Variants in TMC1 observed in about 807,000 individuals in gnomAD.
TMC1 encodes the protein transmembrane channel like 1, also known as transmembrane channel-like protein 1.
A neutral mutation model predicts 105.8 loss-of-function variants in TMC1; 84 were observed. That is an observed-to-expected ratio of 0.79 (90% CI 0.67 to 0.95). The LOEUF (loss-of-function observed/expected upper bound fraction) is 0.95. TMC1 is among the 40% of genes least tolerant of loss of function. The probability of loss-of-function intolerance (pLI) is 0.00; values close to 1 mark genes in which losing one functional copy is unlikely to be tolerated. For missense variants in TMC1, 817 were observed against 914.1 expected (o/e 0.89, Z 1.37); for synonymous variants, 315 against 311.5 (o/e 1.01, Z -0.12).
At chr9:72,579,762 T>C (rs963645094) in intron 2 of TMC1, among the ~76,000 whole-genome samples, 1 of 152,108 alleles carries the variant, frequency 6.6e-6, no homozygotes, top group African/African-American at 2.4e-5. Context: ...TGGCTTATGT[T>C]TGTAATCCCA....
chr9:72,591,737 T>TTTGG (rs1824642161), intron 2 of TMC1, among the ~76,000 whole-genome samples: 1 of 150,190 alleles, frequency 6.7e-6, no homozygotes, highest in African/African-American at 2.5e-5. Flanking sequence ...TGGCTATTTG[T>TTTGG]TTGTTTGTTT....
intron 19 of TMC1, among the ~76,000 whole-genome samples, chr9:72,818,508 T>C (rs1481724241): frequency 6.6e-6 from 1 of 152,216 alleles, no homozygotes; most frequent in Non-Finnish European, 1.5e-5. Context: ...AAATGAGTTT[T>C]GGACATTGCT....
chr9:72,625,404 G>T (rs1189417284), intron 3 of TMC1, among the ~76,000 whole-genome samples: 2 of 151,986 alleles, frequency 1.3e-5, no homozygotes, highest in African/African-American at 4.8e-5. Context: ...AGGAATCAGG[G>T]GTGGCCAGGC....
chr9:72,828,589 T>C (rs1363659388), intron 21 of TMC1, among the ~76,000 whole-genome samples: 2 of 152,242 alleles, frequency 1.3e-5, no homozygotes, highest in Admixed American at 6.5e-5. Context: ...TCACACTGCC[T>C]TTGTTTCAGG....
chr9:72,587,267 T>C (rs962379434), intron 2 of TMC1, among the ~76,000 whole-genome samples: 6 of 152,052 alleles, frequency 3.9e-5, no homozygotes, highest in African/African-American at 9.7e-5. Flanking sequence ...CAAGTGATTC[T>C]CCTGCCTCAG....
intron 1 of TMC1, among the ~76,000 whole-genome samples, chr9:72,543,628 C>G (rs1823714428): frequency 6.6e-6 from 1 of 152,106 alleles, no homozygotes; most frequent in African/African-American, 2.4e-5. Context: ...ACTAAAAATA[C>G]AAAAATTAGC....
In TMC1 at chr9:72,683,733, TTATATATATATATATATA is replaced by T. The variant is rs58007608; in HGVS notation, c.17-4952_17-4935del. The stretch of plus-strand genomic sequence containing the variant: ...TCTGAGTTAACCTGAGTTACACATT[TTATATATATATATATATA>T]TATATATATATATATATATATATGT... On this transcript the variant is annotated intron_variant, in intron 5 of 23. Coordinates refer to ENST00000297784, the MANE Select transcript of TMC1 (RefSeq NM_138691.3). Among the ~76,000 whole-genome samples, 56 of 53,396 alleles carry T rather than the reference TTATATATATATATATATA, an allele frequency of 1.0e-3. 3 individuals are homozygous for T. Among genetic ancestry groups the T allele is most frequent in the East Asian group, 2.9e-3 (4 of 1,392 alleles). 35.0% of individuals were successfully genotyped at this position (53,396 alleles called of 152,430 possible).
intron 1 of TMC1, among the ~76,000 whole-genome samples, chr9:72,553,650 T>G (rs1823890035): frequency 6.6e-6 from 1 of 152,210 alleles, no homozygotes; most frequent in Non-Finnish European, 1.5e-5. Flanking sequence ...TTTTAAAGGC[T>G]TATTTTAAAT....
intron 5 of TMC1, among the ~76,000 whole-genome samples, chr9:72,678,712 T>G (rs1403485977): frequency 6.6e-6 from 1 of 152,108 alleles, no homozygotes; most frequent in Non-Finnish European, 1.5e-5. Context: ...ATAAAGTCAT[T>G]AGTTTCACTC....
chr9:72,620,390 G>C (rs1243254897), intron 3 of TMC1, among the ~76,000 whole-genome samples: 1 of 151,808 alleles, frequency 6.6e-6, no homozygotes, highest in African/African-American at 2.4e-5. Context: ...TATAAGGCAG[G>C]CACCACCATG....
At chr9:72,587,241 C>G (rs1297803265) in intron 2 of TMC1, among the ~76,000 whole-genome samples, 1 of 151,848 alleles carries the variant, frequency 6.6e-6, no homozygotes, top group Non-Finnish European at 1.5e-5. Flanking sequence ...TCACTGCAAC[C>G]TCTGCCTCCT....
intron 2 of TMC1, among the ~76,000 whole-genome samples, chr9:72,592,984 G>A (rs1327507394): frequency 6.6e-6 from 1 of 152,098 alleles, no homozygotes; most frequent in African/African-American, 2.4e-5. Context: ...CTAGGCTCAG[G>A]GCTGTTAAAA....
intron 2 of TMC1, among the ~76,000 whole-genome samples, chr9:72,613,206 A>C (rs542763226): frequency 6.8e-6 from 1 of 148,120 alleles, no homozygotes; most frequent in South Asian, 2.1e-4. Context: ...ATCTTGGCTC[A>C]CTGCAACCTC....
At chr9:72,803,333 A>T (rs924817535) in intron 17 of TMC1, among the ~76,000 whole-genome samples, 1 of 152,232 alleles carries the variant, frequency 6.6e-6, no homozygotes, top group Non-Finnish European at 1.5e-5. Context: ...CAAAGATTTC[A>T]AGACGAAAAC....
At chr9:72,715,950 G>A (rs1018798034) in intron 8 of TMC1, among the ~76,000 whole-genome samples, 1 of 151,994 alleles carries the variant, frequency 6.6e-6, no homozygotes, top group African/African-American at 2.4e-5. Flanking sequence ...GTCTCTGAGT[G>A]GTCCTTTTTG....
At chr9:72,803,893 A>C (rs372246849) in intron 17 of TMC1, among the ~76,000 whole-genome samples, 111 of 152,310 alleles carry the variant, frequency 7.3e-4, no homozygotes, top group African/African-American at 2.5e-3. Context: ...TACATACCCA[A>C]AGGAAAATAA....
intron 12 of TMC1, among the ~76,000 whole-genome samples, chr9:72,759,703 C>T (rs1370472097): frequency 6.6e-6 from 1 of 152,170 alleles, no homozygotes; most frequent in African/African-American, 2.4e-5. Flanking sequence ...TGGAAATTCA[C>T]AAAAATAAGA....
rs145328793 is a variant in TMC1 at position 72,766,366 on chromosome 9, G to A, written c.742-6047G>A. 4.7e-3 allele frequency among the ~76,000 whole-genome samples: 699 copies of A among 148,012 alleles called. 6 individuals are homozygous for A. The highest frequency in any genetic ancestry group is 0.016 in the African/African-American group (620 of 39,854). On this transcript the variant is annotated intron_variant, in intron 12 of 23. Transcript: ENST00000297784. ...CAGGAGGCGGAGCTTGCAGTGAGCC[G>A]AAATTGCGCCACTGCACTCCAGCCT...
At chr9:72,607,923 C>T (rs989856829) in intron 2 of TMC1, 1 of 152,116 alleles carries the variant, frequency 6.6e-6, no homozygotes, top group East Asian at 1.9e-4. Context: ...AGGTTGGTAC[C>T]AGGTAATGAA....
Sources: gnomAD v4.1 joint callset for allele counts (sites outside exome capture counted in the v4.1 genomes callset) on GRCh38, gnomAD v4.1.1 for gene constraint, MANE v1.5 for transcripts, NCBI Gene and HGNC (gene_info 2026-07-23, HGNC 2026-07-21) for gene names.